Variants in CUL9 observed in about 807,000 individuals in gnomAD.
CUL9 encodes cullin 9.
A neutral mutation model predicts 272.6 loss-of-function variants in CUL9; 79 were observed. That is an observed-to-expected ratio of 0.29 (90% CI 0.24 to 0.35). The LOEUF is 0.35. Ranked by LOEUF, CUL9 falls within the 10% of genes least tolerant of loss-of-function variation. The probability of loss-of-function intolerance (pLI) is 1.00; values close to 1 mark genes in which losing one functional copy is unlikely to be tolerated. For missense variants in CUL9, 2,532 were observed against 3,255.6 expected (o/e 0.78, Z 5.41); for synonymous variants, 1,186 against 1,286.5 (o/e 0.92, Z 1.67).
In CUL9 at chr6:43,193,106, C is replaced by A. The variant is rs200365252; in HGVS notation, c.2286C>A (p.His762Gln). 6.2e-7 allele frequency: 1 copy of A among 1,614,176 alleles called. No individual in the cohort carries two copies. The highest frequency in any genetic ancestry group is 1.7e-5 in the Admixed American group (1 of 60,026). ...LRLLYLLMTKHEWRPLFAREG... is the reference protein window; with the variant it reads ...LRLLYLLMTKQEWRPLFAREG... The stretch of plus-strand genomic sequence containing the variant: ...TCCTTTACCTGCTCATGACCAAGCA[C>A]GAGTGGCGGCCGCTCTTTGCCAGGG... The change falls in exon 9 of 41, where the codon CAC becomes CAA. Residue 762 changes from histidine (H) to glutamine (Q), a missense_variant. By Grantham distance (24) the His-to-Gln change is conservative. Coordinates refer to ENST00000252050, the MANE Select transcript of CUL9 (RefSeq NM_015089.4).
At chr6:43,204,684 C>G (rs1482066029) in intron 21 of CUL9, 64 bp from the exon 22 acceptor site, 3 of 1,593,336 alleles carry the variant, frequency 1.9e-6, no homozygotes, top group Non-Finnish European at 2.6e-6. Flanking sequence ...GATCACTACC[C>G]AAGACCGGTG....
intron 1 of CUL9, among the ~76,000 whole-genome samples, chr6:43,183,669 TTTAA>T (rs1772630912): frequency 6.6e-6 from 1 of 152,144 alleles, no homozygotes; most frequent in Non-Finnish European, 1.5e-5. Flanking sequence ...CTATTACTGT[TTTAA>T]TTCTCTTTTT....
Position 43,224,026 on chromosome 6 carries a change from G to A in CUL9, c.7285-69G>A. 2.0e-6 allele frequency: 3 copies of A among 1,475,930 alleles called. No homozygotes were observed. The South Asian group carries it at 3.4e-5, about 17-fold the overall frequency. The allele number at this position is 1,475,930 out of a possible 1,614,324, so 91.4% of individuals were successfully genotyped here. ...GCTTGGCCCTCCCAGAGCATCAGTG[G>A]AAGGAATGCTGGGTCCAAAGGCCCC... On this transcript the variant is annotated intron_variant, in intron 39 of 40. Transcript: ENST00000252050. This position sits in a 1 kb window ranked among gnomAD's most constrained non-coding sequence, Gnocchi z 4.2.
rs1774301655 is a variant in CUL9, at chr6:43,199,161, C to T, written c.3051-105C>T. ...ATTTTGGTCAGGCTGGTCTCGAACT[C>T]CCGACCTCAGGTGATCCGCCCACTT... On this transcript the variant is annotated intron_variant, in intron 12 of 40. Coordinates refer to ENST00000252050, the MANE Select transcript of CUL9 (RefSeq NM_015089.4). This position sits in a 1 kb window ranked among gnomAD's most constrained non-coding sequence, Gnocchi z 4.4. 7 of 966,798 alleles carry T rather than the reference C, an allele frequency of 7.2e-6. No individual in the cohort carries two copies. The highest frequency in any genetic ancestry group is 1.6e-5 in the African/African-American group (1 of 62,302). The allele number at this position is 966,798 out of a possible 1,614,324, so 59.9% of individuals were successfully genotyped here.
intron 26 of CUL9, among the ~76,000 whole-genome samples, chr6:43,209,180 G>A (rs1163869876): frequency 7.7e-6 from 1 of 129,904 alleles, no homozygotes; most frequent in Non-Finnish European, 1.6e-5. Flanking sequence ...GAGTCTCACT[G>A]TGTCGCCCAG....
In CUL9 at chr6:43,184,289, T is replaced by C; in HGVS notation, c.-9-13T>C. On this transcript the variant is annotated splice_polypyrimidine_tract_variant and intron_variant, in intron 1 of 40. Transcript: ENST00000252050. The surrounding 1 kb of genome is among the most constrained non-coding windows in gnomAD (Gnocchi z 4.8). Reference sequence around the variant, plus strand: ...TTCTCATACTGCCTTATCTTTCTCCTTGTGTATCCCAGGAGGTCAGGATGG... The same window carrying C: ...TTCTCATACTGCCTTATCTTTCTCCCTGTGTATCCCAGGAGGTCAGGATGG... The C allele has an allele frequency of 1.4e-6, 2 of 1,445,754 alleles. No homozygotes were observed. The highest frequency in any genetic ancestry group is 1.8e-6 in the Non-Finnish European group (2 of 1,092,726). 89.6% of individuals were successfully genotyped at this position (1,445,754 alleles called of 1,614,324 possible). A position where few individuals can be genotyped will look rare whatever the true frequency, so the allele number is the denominator to read the frequency against.
chr6:43,204,340 C>G lies in CUL9; in HGVS notation c.4160-20C>G. 6.2e-7 allele frequency: 1 copy of G among 1,612,680 alleles called. No homozygotes were observed. The highest frequency in any genetic ancestry group is 8.5e-7 in the Non-Finnish European group (1 of 1,178,900). ...CTCCCATCTCCCATGGAGACCTGTTCCTGACCTGTCTTCTTTCAGATGCGG... is the reference window on the plus strand; with the variant it reads ...CTCCCATCTCCCATGGAGACCTGTTGCTGACCTGTCTTCTTTCAGATGCGG... On this transcript the variant is annotated intron_variant, in intron 20 of 40. Transcript: ENST00000252050.
In CUL9 at chr6:43,186,180, C is replaced by G; in HGVS notation, c.976C>G (p.Gln326Glu). The G allele has an allele frequency of 1.2e-6, 2 of 1,614,216 alleles. No individual in the cohort carries two copies. The highest frequency in any genetic ancestry group is 1.3e-5 in the African/African-American group (1 of 75,064). ...GGGCTGGGCCCGGAACCTCAGCGAA[C>G]AGGGCATGTCACCTCCCCGGCCAAC... Reference protein sequence around the residue: ...SMGWARNLSEQGMSPPRPTRS... With the variant: ...SMGWARNLSEEGMSPPRPTRS... The change falls in exon 4 of 41, where the codon CAG (glutamine) becomes GAG (glutamate). Residue 326 changes from glutamine (Q) to glutamate (E), a missense_variant. Physicochemically the swap from Gln to Glu is conservative, Grantham distance 29. Transcript: ENST00000252050.
intron 8 of CUL9, among the ~76,000 whole-genome samples, chr6:43,192,048 A>G (rs1582312773): frequency 7.0e-6 from 1 of 143,288 alleles, no homozygotes; most frequent in South Asian, 2.2e-4. Flanking sequence ...AGGCAAGCCT[A>G]CCCCTTTTCT....
Position 43,203,774 on chromosome 6 carries a change from T to C in CUL9, c.4026-80T>C, listed in dbSNP as rs1582373547. ...GGGTCAGGGACCGAACAGGGGTGAT[T>C]GGGAGCTGATCTGCACTTGAATGGA... On this transcript the variant is annotated intron_variant, in intron 19 of 40. Coordinates refer to ENST00000252050, the MANE Select transcript of CUL9 (RefSeq NM_015089.4). This position sits in a 1 kb window ranked among gnomAD's most constrained non-coding sequence, Gnocchi z 5.0. 2.6e-6 allele frequency: 4 copies of C among 1,540,558 alleles called. No individual in the cohort carries two copies. In the East Asian group the frequency reaches 9.1e-5, roughly 35 times the overall value.
intron 1 of CUL9, among the ~76,000 whole-genome samples, chr6:43,182,640 C>G (rs1014148985): frequency 6.6e-6 from 1 of 152,068 alleles, no homozygotes; most frequent in Non-Finnish European, 1.5e-5. Flanking sequence ...GCTGGCACAT[C>G]GCTGGCTACC....
chr6:43,185,672 T>TG lies in CUL9; in HGVS notation c.750+64dup. 1.9e-6 allele frequency: 3 copies of TG among 1,549,472 alleles called. No homozygotes were observed. The South Asian group carries it at 3.5e-5, about 18-fold the overall frequency. On this transcript the variant is annotated intron_variant, in intron 3 of 40. Coordinates refer to ENST00000252050, the MANE Select transcript of CUL9 (RefSeq NM_015089.4). ...GGCTAAGACATTATTTATGAAAACG[T>TG]GGTTCAGGACTGAATGTTAGCACCA...
intron 29 of CUL9, among the ~76,000 whole-genome samples, chr6:43,214,412 G>A (rs2150623104): frequency 6.6e-6 from 1 of 152,024 alleles, no homozygotes; most frequent in Admixed American, 6.5e-5. Flanking sequence ...GCAAGACTCT[G>A]TCTCAAAAAG....
Position 43,186,168 on chromosome 6 carries a change from A to G in CUL9, c.964A>G (p.Asn322Asp). 1 of 1,614,226 alleles carries G rather than the reference A, an allele frequency of 6.2e-7. No homozygotes were observed. The highest frequency in any genetic ancestry group is 8.5e-7 in the Non-Finnish European group (1 of 1,180,030). Residue 322 changes from asparagine to aspartate, a missense_variant, in exon 4 of 41, where the codon AAC (asparagine) becomes GAC (aspartate). By Grantham distance (23) the Asn-to-Asp change is conservative. Transcript: ENST00000252050. ...TGTGCGGAGCATGGGCTGGGCCCGG[A>G]ACCTCAGCGAACAGGGCATGTCACC... ...ELVRSMGWARNLSEQGMSPPR... is the reference protein window; with the variant it reads ...ELVRSMGWARDLSEQGMSPPR...
intron 29 of CUL9, among the ~76,000 whole-genome samples, chr6:43,214,653 T>C (rs2150624164): frequency 6.6e-6 from 1 of 152,010 alleles, no homozygotes; most frequent in Middle Eastern, 3.4e-3. Context: ...ATACAAAAAT[T>C]AGCCAGGCGT....
chr6:43,218,987 C>A lies in CUL9; in HGVS notation c.6283-1472C>A, dbSNP rs1404099088. Among the ~76,000 whole-genome samples, 1 of 151,958 alleles carries A rather than the reference C, an allele frequency of 6.6e-6. No homozygotes were observed. Among genetic ancestry groups the A allele is most frequent in the Non-Finnish European group, 1.5e-5 (1 of 68,010 alleles). Reference sequence around the variant, plus strand: ...GACGGGGGGTCTCAGGAGTTTGAGACCAGCCTAGACAACACAGCAAGACCC... The same window carrying A: ...GACGGGGGGTCTCAGGAGTTTGAGAACAGCCTAGACAACACAGCAAGACCC... On this transcript the variant is annotated intron_variant, in intron 31 of 40. Coordinates refer to ENST00000252050, the MANE Select transcript of CUL9 (RefSeq NM_015089.4). This position sits in a 1 kb window ranked among gnomAD's most constrained non-coding sequence, Gnocchi z 4.4.
Position 43,203,670 on chromosome 6 carries a change from T to C in CUL9, c.4025+78T>C. On this transcript the variant is annotated intron_variant, in intron 19 of 40. Transcript: ENST00000252050. This position sits in a 1 kb window ranked among gnomAD's most constrained non-coding sequence, Gnocchi z 5.0. ...AGTAGGAGGGATGCTCCTGTGGGAG[T>C]CCGGAAGGGAAAGCTGCAGCCAGGA... The C allele has an allele frequency of 6.5e-7, 1 of 1,538,660 alleles. No individual in the cohort carries two copies. The highest frequency in any genetic ancestry group is 8.8e-7 in the Non-Finnish European group (1 of 1,138,534).
Position 43,193,215 on chromosome 6 carries a change from A to G in CUL9, c.2388+7A>G. The G allele has an allele frequency of 6.2e-7, 1 of 1,613,102 alleles. No homozygotes were observed. The highest frequency in any genetic ancestry group is 8.5e-7 in the Non-Finnish European group (1 of 1,179,196). ...GCAGCAGGCTGGGCTGGCGGTGAGT[A>G]CATTGGGCCTGGCGGGAGAGAACAA... On this transcript the variant is annotated splice_region_variant and intron_variant, in intron 9 of 40. Transcript: ENST00000252050.
At position 43,223,088 on chromosome 6, in the gene CUL9, G is replaced by A. The variant is rs753213045; in HGVS notation, c.7151-176G>A. On this transcript the variant is annotated intron_variant, in intron 38 of 40. Coordinates refer to ENST00000252050, the MANE Select transcript of CUL9 (RefSeq NM_015089.4). The surrounding 1 kb of genome is among the most constrained non-coding windows in gnomAD (Gnocchi z 4.1). ...CCTACATTGTAAGGTGCCCAAGGGC[G>A]CAGATGTTCGTGGATGTTTCTTGGT... The A allele has an allele frequency of 8.0e-6, 8 of 1,001,284 alleles. No individual in the cohort carries two copies. Among genetic ancestry groups the A allele is most frequent in the African/African-American group, 6.5e-5 (4 of 61,262 alleles). The allele number at this position is 1,001,284 out of a possible 1,614,324, so 62.0% of individuals were successfully genotyped here. A position where few individuals can be genotyped will look rare whatever the true frequency, so the allele number is the denominator to read the frequency against.
Sources: allele counts gnomAD v4.1 joint callset (sites outside exome capture counted in the v4.1 genomes callset), GRCh38; gene constraint gnomAD v4.1.1; non-coding constraint Gnocchi (gnomAD v3.1); transcripts MANE v1.5; gene names NCBI Gene and HGNC (gene_info 2026-07-23, HGNC 2026-07-21).